Variants in LRRC4C observed in about 807,000 individuals in gnomAD.
LRRC4C encodes the protein leucine rich repeat containing 4C.
Under a neutral mutation model 33.6 loss-of-function variants are expected in LRRC4C, and 5 were observed. The observed-to-expected ratio is 0.15, with a 90% CI of 0.08 to 0.31. The LOEUF (loss-of-function observed/expected upper bound fraction) is 0.31, where lower values mean the gene tolerates loss of function less well. LRRC4C is among the 10% of genes least tolerant of loss of function. The pLI is 1.00. For synonymous variants in LRRC4C, 329 were observed against 302.0 expected (o/e 1.09, Z -0.93); for missense variants, 560 against 796.7 (o/e 0.70, Z 3.58).
At chr11:41,130,732 G>A (rs1392158734) in intron 1 of LRRC4C, among the ~76,000 whole-genome samples, 4 of 152,066 alleles carry the variant, frequency 2.6e-5, no homozygotes, top group South Asian at 2.1e-4. Flanking sequence ...TTTACCAGCT[G>A]CATCAATCAC....
chr11:40,275,199 CT>C (rs77593450), intron 4 of LRRC4C, among the ~76,000 whole-genome samples: 2 of 152,044 alleles, frequency 1.3e-5, no homozygotes, highest in Middle Eastern at 3.4e-3. Flanking sequence ...CTGCATTCTA[CT>C]TTTTTTTGCC....
At chr11:40,429,318 C>T (rs557173635) in intron 3 of LRRC4C, among the ~76,000 whole-genome samples, 3 of 152,290 alleles carry the variant, frequency 2.0e-5, no homozygotes, top group South Asian at 2.1e-4. Context: ...AAGTGATCCA[C>T]GCGCCTCATA....
chr11:41,024,373 T>C (rs1856197343), intron 1 of LRRC4C, among the ~76,000 whole-genome samples: 1 of 151,730 alleles, frequency 6.6e-6, no homozygotes, highest in South Asian at 2.1e-4. Flanking sequence ...AATCTTGGTG[T>C]TCATACTATA....
intron 3 of LRRC4C, among the ~76,000 whole-genome samples, chr11:40,483,239 G>T (rs143672030): frequency 6.6e-6 from 1 of 152,292 alleles, no homozygotes; most frequent in Non-Finnish European, 1.5e-5. Context: ...ACTGAGGCTG[G>T]AGACAAAGCT....
chr11:40,893,976 A>T (rs4466814), intron 2 of LRRC4C, among the ~76,000 whole-genome samples: 1 of 151,852 alleles, frequency 6.6e-6, no homozygotes, highest in African/African-American at 2.4e-5. Flanking sequence ...GAATTTATAC[A>T]TGGTCTTCAG....
At chr11:40,849,037 T>A (rs747342296) in intron 2 of LRRC4C, among the ~76,000 whole-genome samples, 1 of 152,212 alleles carries the variant, frequency 6.6e-6, no homozygotes, top group Non-Finnish European at 1.5e-5. Flanking sequence ...GCATATTGTG[T>A]GTCTTTTCAC....
chr11:40,624,157 T>G (rs1036612210), intron 3 of LRRC4C, among the ~76,000 whole-genome samples: 1 of 152,092 alleles, frequency 6.6e-6, no homozygotes, highest in Non-Finnish European at 1.5e-5. Flanking sequence ...GTTCCACCCT[T>G]GAGCAAAAAG....
intron 1 of LRRC4C, among the ~76,000 whole-genome samples, chr11:40,980,136 T>C (rs1845205763): frequency 6.6e-6 from 1 of 152,156 alleles, no homozygotes; most frequent in African/African-American, 2.4e-5. Context: ...ATGATGCATT[T>C]TTGGACATAT....
At chr11:40,196,095 A>G (rs79186957) in intron 5 of LRRC4C, among the ~76,000 whole-genome samples, 1,832 of 152,310 alleles carry the variant, frequency 0.012, 65 homozygotes, top group East Asian at 0.077. Flanking sequence ...GAGGTTCAGA[A>G]TACATTGCAC....
intron 3 of LRRC4C, among the ~76,000 whole-genome samples, chr11:40,358,150 T>C (rs1312105627): frequency 6.6e-6 from 1 of 151,702 alleles, no homozygotes; most frequent in Non-Finnish European, 1.5e-5. Context: ...GCCACTGCAC[T>C]CCAGCCTGGG....
chr11:41,250,812 A>G (rs1001354354), intron 1 of LRRC4C, among the ~76,000 whole-genome samples: 7 of 152,194 alleles, frequency 4.6e-5, no homozygotes. Context: ...ACAATCACTC[A>G]TCATTCTTGT....
At chr11:40,434,889 T>C (rs1367658401) in intron 3 of LRRC4C, among the ~76,000 whole-genome samples, 1 of 152,146 alleles carries the variant, frequency 6.6e-6, no homozygotes, top group Non-Finnish European at 1.5e-5. Context: ...GAATGATGAA[T>C]AGAGCTTGAC....
chr11:40,663,600 A>G (rs767224751), intron 2 of LRRC4C, among the ~76,000 whole-genome samples: 17 of 152,174 alleles, frequency 1.1e-4, no homozygotes, highest in Non-Finnish European at 2.1e-4. Context: ...AGGTGTGAGA[A>G]ATAAAAATAA....
At chr11:40,354,467 C>T (rs373226702) in intron 3 of LRRC4C, among the ~76,000 whole-genome samples, 2 of 152,098 alleles carry the variant, frequency 1.3e-5, no homozygotes, top group African/African-American at 2.4e-5. Context: ...AATGTTTTCT[C>T]GGAGCCAGGG....
intron 1 of LRRC4C, among the ~76,000 whole-genome samples, chr11:41,199,434 G>A (rs1042235731): frequency 7.9e-5 from 12 of 152,034 alleles, no homozygotes; most frequent in Non-Finnish European, 1.8e-4. Flanking sequence ...TTCCTCTTCC[G>A]GGCAGTCTTG....
intron 1 of LRRC4C, among the ~76,000 whole-genome samples, chr11:41,398,048 A>T (rs1953886252): frequency 6.6e-6 from 1 of 151,888 alleles, no homozygotes; most frequent in Admixed American, 6.6e-5. Flanking sequence ...TTTAATGGGG[A>T]TGCACTTGTG....
intron 1 of LRRC4C, among the ~76,000 whole-genome samples, chr11:41,459,141 A>G (rs1771978868): frequency 6.6e-6 from 1 of 152,162 alleles, no homozygotes; most frequent in African/African-American, 2.4e-5. Flanking sequence ...GGCAGGAGAA[A>G]GGCGGAATTA....
chr11:40,784,759 G>A (rs1246985538), intron 2 of LRRC4C, among the ~76,000 whole-genome samples: 1 of 152,178 alleles, frequency 6.6e-6, no homozygotes, highest in Non-Finnish European at 1.5e-5. Context: ...GGAAAGACGA[G>A]AGTGTCAAAA....
intron 1 of LRRC4C, among the ~76,000 whole-genome samples, chr11:41,101,974 C>T (rs1941214745): frequency 6.6e-6 from 1 of 151,736 alleles, no homozygotes; most frequent in Non-Finnish European, 1.5e-5. Flanking sequence ...GGCACTGGGG[C>T]CTACTTGAGG....
Sources: gnomAD v4.1 joint callset for allele counts (sites outside exome capture counted in the v4.1 genomes callset) on GRCh38, gnomAD v4.1.1 for gene constraint, MANE v1.5 for transcripts, NCBI Gene and HGNC (gene_info 2026-07-23, HGNC 2026-07-21) for gene names.